TSPAN9: variants seen among roughly 807,000 people sequenced by gnomAD.
TSPAN9 encodes tetraspanin 9, also known as tetraspanin-9.
In TSPAN9, 16 loss-of-function variants were observed where a neutral mutation model predicts 31.0. That is an observed-to-expected ratio of 0.52 (90% CI 0.35 to 0.78). TSPAN9 has a LOEUF of 0.78. Ranked by LOEUF, TSPAN9 falls within the 30% of genes least tolerant of loss-of-function variation. The pLI is 0.01. For synonymous variants in TSPAN9, 145 were observed against 121.6 expected (o/e 1.19, Z -1.27); for missense variants, 272 against 312.5 (o/e 0.87, Z 0.98).
intron 2 of TSPAN9, among the ~76,000 whole-genome samples, chr12:3,112,571 G>A (rs2098319585): frequency 6.8e-6 from 1 of 148,102 alleles, no homozygotes; most frequent in South Asian, 2.2e-4. Context: ...TTTTTTTCTA[G>A]AATTAAATTA....
rs568629799 is a variant in TSPAN9, at chr12:3,107,934, C to T, written c.-18+24215C>T. On this transcript the variant is annotated intron_variant, in intron 2 of 8. Coordinates refer to ENST00000011898, the MANE Select transcript of TSPAN9 (RefSeq NM_006675.5). The surrounding 1 kb of genome is among the most constrained non-coding windows in gnomAD (Gnocchi z 4.1). ...CTGGACCAACCTCGTGCTATTTATA[C>T]TTTCAACTCTATTCCTAAACCCAGT... Among the ~76,000 whole-genome samples the T allele has an allele frequency of 6.6e-6, 1 of 152,302 alleles. No individual in the cohort carries two copies. Among genetic ancestry groups the T allele is most frequent in the South Asian group, 2.1e-4 (1 of 4,828 alleles).
chr12:3,160,748 C>T (rs1308869820), intron 2 of TSPAN9, among the ~76,000 whole-genome samples: 1 of 151,602 alleles, frequency 6.6e-6, no homozygotes, highest in Non-Finnish European at 1.5e-5. Flanking sequence ...ACTTGTGTAT[C>T]TTCTATTCAT....
intron 3 of TSPAN9, among the ~76,000 whole-genome samples, chr12:3,235,413 G>A (rs1591696073): frequency 6.6e-6 from 1 of 150,700 alleles, no homozygotes; most frequent in East Asian, 2.0e-4. Flanking sequence ...TTACTTTTTG[G>A]GTGACATTGG....
At chr12:3,247,646 T>C (rs1034353399) in intron 3 of TSPAN9, among the ~76,000 whole-genome samples, 3 of 152,160 alleles carry the variant, frequency 2.0e-5, no homozygotes, top group Admixed American at 6.5e-5. Flanking sequence ...CATTGTCATC[T>C]CCTTTTGACG....
chr12:3,226,794 A>ATTTTTTTTT (rs1203426057), intron 3 of TSPAN9, among the ~76,000 whole-genome samples: 3 of 16,398 alleles, frequency 1.8e-4, no homozygotes, highest in African/African-American at 2.5e-4. Flanking sequence ...ATATATATAT[A>ATTTTTTTTT]TTTTTTTTTT....
Position 3,278,623 on chromosome 12 carries a change from T to G in TSPAN9, c.255+11T>G. 6.2e-7 allele frequency: 1 copy of G among 1,609,624 alleles called. No homozygotes were observed. The highest frequency in any genetic ancestry group is 8.5e-7 in the Non-Finnish European group (1 of 1,176,934). On this transcript the variant is annotated intron_variant, in intron 4 of 8. Transcript: ENST00000011898. ...TGCCTCCTCCTCAGCGTAAGTTCTG[T>G]CCAAATCCCCAGCCCCTCCAACTCC...
intron 2 of TSPAN9, among the ~76,000 whole-genome samples, chr12:3,188,618 T>A (rs902477927): frequency 6.6e-6 from 1 of 152,022 alleles, no homozygotes; most frequent in Non-Finnish European, 1.5e-5. Flanking sequence ...GGCTGGGATG[T>A]GGAAGCGCCT....
At chr12:3,142,333 C>T (rs1279301958) in intron 2 of TSPAN9, among the ~76,000 whole-genome samples, 3 of 152,198 alleles carry the variant, frequency 2.0e-5, no homozygotes, top group Non-Finnish European at 4.4e-5. Context: ...CTGGGGACCC[C>T]TCCTCCTTTC....
intron 2 of TSPAN9, among the ~76,000 whole-genome samples, chr12:3,121,329 T>A (rs890517457): frequency 2.3e-5 from 2 of 88,478 alleles, no homozygotes; most frequent in African/African-American, 4.3e-5. Flanking sequence ...ACTGGAGAGA[T>A]TTTTCAAAAC....
intron 2 of TSPAN9, among the ~76,000 whole-genome samples, chr12:3,163,650 G>C (rs1302165996): frequency 6.6e-6 from 1 of 152,158 alleles, no homozygotes; most frequent in African/African-American, 2.4e-5. Context: ...TCACATCCTG[G>C]AGTAGGAGGT....
intron 2 of TSPAN9, among the ~76,000 whole-genome samples, chr12:3,096,616 C>G (rs1423134651): frequency 8.8e-6 from 1 of 113,426 alleles, no homozygotes; most frequent in Non-Finnish European, 2.3e-5. Context: ...CACTTAGACA[C>G]TTGCTTGCTT....
At chr12:3,089,373 T>C (rs1260598566) in intron 2 of TSPAN9, among the ~76,000 whole-genome samples, 1 of 146,148 alleles carries the variant, frequency 6.8e-6, no homozygotes, top group Non-Finnish European at 1.5e-5. Context: ...CTTGGCTCAC[T>C]GCAACCTCCC....
At chr12:3,203,226 G>A (rs1309361856) in intron 3 of TSPAN9, among the ~76,000 whole-genome samples, 2 of 151,976 alleles carry the variant, frequency 1.3e-5, no homozygotes. Flanking sequence ...AGCCCAACGT[G>A]GTTTGGTGAC....
At chr12:3,117,797 T>C (rs2098323123) in intron 2 of TSPAN9, among the ~76,000 whole-genome samples, 1 of 152,194 alleles carries the variant, frequency 6.6e-6, no homozygotes, top group Non-Finnish European at 1.5e-5. Flanking sequence ...AATTCTGGCC[T>C]GATTTAGGGG....
intron 2 of TSPAN9, among the ~76,000 whole-genome samples, chr12:3,199,253 T>C (rs1437857218): frequency 6.6e-6 from 1 of 152,142 alleles, no homozygotes; most frequent in East Asian, 1.9e-4. Context: ...CCAAGCCCTG[T>C]GGTAGGGGAT....
intron 3 of TSPAN9, among the ~76,000 whole-genome samples, chr12:3,229,847 A>G (rs1450344602): frequency 1.3e-5 from 2 of 152,184 alleles, no homozygotes; most frequent in Non-Finnish European, 2.9e-5. Flanking sequence ...GCAGGCAGGC[A>G]TGGTTGCACC....
At chr12:3,092,270 C>T (rs1203220539) in intron 2 of TSPAN9, among the ~76,000 whole-genome samples, 1 of 152,142 alleles carries the variant, frequency 6.6e-6, no homozygotes, top group Non-Finnish European at 1.5e-5. Context: ...ACTTGTTCTC[C>T]ATGGCTGTGA....
intron 2 of TSPAN9, among the ~76,000 whole-genome samples, chr12:3,167,377 C>T (rs1298532159): frequency 6.6e-6 from 1 of 152,186 alleles, no homozygotes; most frequent in Non-Finnish European, 1.5e-5. Context: ...CACAGAGAGA[C>T]TACGACACAT....
chr12:3,268,590 A>C (rs371466951), intron 3 of TSPAN9, among the ~76,000 whole-genome samples: 1 of 29,746 alleles, frequency 3.4e-5, no homozygotes, highest in Non-Finnish European at 6.2e-5. Context: ...CCCTCCGTGC[A>C]TTCCTGCAGC....
Sources: gnomAD v4.1 joint callset for allele counts (sites outside exome capture counted in the v4.1 genomes callset) on GRCh38, gnomAD v4.1.1 for gene constraint, Gnocchi (gnomAD v3.1) non-coding constraint, MANE v1.5 for transcripts, NCBI Gene and HGNC (gene_info 2026-07-23, HGNC 2026-07-21) for gene names.